Variants in CSMD1 observed in about 807,000 individuals in gnomAD.
CSMD1 encodes CUB and Sushi multiple domains 1.
Under a neutral mutation model 417.5 loss-of-function variants are expected in CSMD1, and 213 were observed. That is an observed-to-expected ratio of 0.51 (90% CI 0.46 to 0.57). The LOEUF is 0.57. Ranked by LOEUF, CSMD1 falls within the 20% of genes least tolerant of loss-of-function variation. The pLI is 0.00. For missense variants in CSMD1, 6,923 were observed against 4,529.7 expected (o/e 1.53, Z -15.17); for synonymous variants, 2,862 against 1,736.8 (o/e 1.65, Z -16.11).
intron 1 of CSMD1, among the ~76,000 whole-genome samples, chr8:4,782,883 A>G (rs1267152509): frequency 6.6e-6 from 1 of 151,954 alleles, no homozygotes; most frequent in Non-Finnish European, 1.5e-5. Context: ...TTTATGATGT[A>G]CATGTTTTTT....
intron 1 of CSMD1, among the ~76,000 whole-genome samples, chr8:4,744,069 T>C (rs1810797431): frequency 6.6e-6 from 1 of 152,194 alleles, no homozygotes. Flanking sequence ...GCTTTGATGA[T>C]GATTCAATTA....
chr8:4,953,751 G>A (rs1240514442), intron 1 of CSMD1, among the ~76,000 whole-genome samples: 1 of 152,152 alleles, frequency 6.6e-6, no homozygotes, highest in Non-Finnish European at 1.5e-5. Flanking sequence ...ATCAATACCT[G>A]TCTTTCTGCA....
intron 1 of CSMD1, among the ~76,000 whole-genome samples, chr8:4,707,291 A>G (rs1164538878): frequency 2.0e-5 from 3 of 152,216 alleles, no homozygotes; most frequent in African/African-American, 7.2e-5. Context: ...AAACATGAGG[A>G]AATTGAAGCT....
At chr8:4,310,057 G>C (rs148597665) in intron 3 of CSMD1, among the ~76,000 whole-genome samples, 5 of 152,166 alleles carry the variant, frequency 3.3e-5, no homozygotes, top group African/African-American at 1.2e-4. Flanking sequence ...ATGGAAAGAT[G>C]AAGTATCAGG....
At chr8:3,739,984 T>C (rs960698274) in intron 6 of CSMD1, among the ~76,000 whole-genome samples, 1 of 152,216 alleles carries the variant, frequency 6.6e-6, no homozygotes, top group Admixed American at 6.5e-5. Context: ...ATCCCTATCA[T>C]TAAAATTGTC....
intron 6 of CSMD1, among the ~76,000 whole-genome samples, chr8:3,751,299 A>AGTGTGTGTGTGTGT (rs67753470): frequency 9.3e-4 from 131 of 140,290 alleles, no homozygotes; most frequent in African/African-American, 1.4e-3. Context: ...ATACAATTGA[A>AGTGTGTGTGTGTGT]GTGTGTGTGT....
At chr8:3,381,564 C>A (rs947575593) in intron 18 of CSMD1, among the ~76,000 whole-genome samples, 5 of 151,716 alleles carry the variant, frequency 3.3e-5, no homozygotes, top group Admixed American at 1.3e-4. Flanking sequence ...AATATAGAAC[C>A]CAAAAATATG....
intron 5 of CSMD1, among the ~76,000 whole-genome samples, chr8:3,780,996 G>C (rs953018964): frequency 2.0e-5 from 3 of 152,162 alleles, no homozygotes; most frequent in Non-Finnish European, 2.9e-5. Context: ...GTGACATTTT[G>C]TGTGACTCCT....
chr8:3,393,847 G>T (rs534251872), intron 17 of CSMD1, among the ~76,000 whole-genome samples: 2 of 151,204 alleles, frequency 1.3e-5, no homozygotes, highest in African/African-American at 2.4e-5. Context: ...TGTGGGGTGT[G>T]GGGAGGGGGC....
At chr8:3,829,309 T>G (rs1802237378) in intron 5 of CSMD1, among the ~76,000 whole-genome samples, 1 of 152,182 alleles carries the variant, frequency 6.6e-6, no homozygotes, top group African/African-American at 2.4e-5. Context: ...CTACTTCACT[T>G]ATTCTACAAT....
intron 2 of CSMD1, among the ~76,000 whole-genome samples, chr8:4,531,685 C>A (rs1261475764): frequency 6.6e-6 from 1 of 152,128 alleles, no homozygotes. Context: ...AGAATCAGCA[C>A]TTCTTTTAAA....
chr8:3,927,231 A>G (rs1408574866), intron 5 of CSMD1, among the ~76,000 whole-genome samples: 1 of 152,052 alleles, frequency 6.6e-6, no homozygotes, highest in Admixed American at 6.6e-5. Context: ...AACCTTCTTT[A>G]TATTATTCCA....
chr8:4,420,049 G>A lies in CSMD1; in HGVS notation c.319C>T (p.Leu107=). 1.3e-6 allele frequency: 2 copies of A among 1,568,580 alleles called. No individual in the cohort carries two copies. Among genetic ancestry groups the A allele is most frequent in the South Asian group, 1.2e-5 (1 of 85,284 alleles). The change falls in exon 3 of 70, where the codon CTG becomes TTG. Residue 107 remains leucine, a synonymous_variant. Coordinates refer to ENST00000635120, the MANE Select transcript of CSMD1 (RefSeq NM_033225.6). ...CCTGTACTCACTATAGAGGAGGGCAGCTGAAATCCCGATAATCTAAATTTA... is the reference window on the plus strand; with the variant it reads ...CCTGTACTCACTATAGAGGAGGGCAACTGAAATCCCGATAATCTAAATTTA... The part of the protein sequence containing the change: ...NLKVRLSGFQ[L]PSSIVSTGSI...
chr8:4,913,823 A>G (rs1406594979), intron 1 of CSMD1, among the ~76,000 whole-genome samples: 1 of 152,230 alleles, frequency 6.6e-6, no homozygotes, highest in African/African-American at 2.4e-5. Flanking sequence ...TTGGGGCTTC[A>G]TAACCAGAAG....
chr8:3,158,672 A>G (rs1427310605), intron 38 of CSMD1, among the ~76,000 whole-genome samples: 3 of 151,992 alleles, frequency 2.0e-5, no homozygotes, highest in African/African-American at 7.2e-5. Context: ...GGTTAAATTC[A>G]AAGATGTTTT....
At chr8:3,231,051 C>T (rs182587737) in intron 26 of CSMD1, among the ~76,000 whole-genome samples, 4 of 152,220 alleles carry the variant, frequency 2.6e-5, no homozygotes. Flanking sequence ...ATCGACTCTG[C>T]CTGCGCCTAA....
At chr8:4,139,588 G>C (rs1803655343) in intron 3 of CSMD1, among the ~76,000 whole-genome samples, 1 of 151,220 alleles carries the variant, frequency 6.6e-6, no homozygotes, top group Admixed American at 6.6e-5. Flanking sequence ...ATGGAACTGA[G>C]TGGGCATCAA....
chr8:3,925,165 C>G (rs1276542874), intron 5 of CSMD1, among the ~76,000 whole-genome samples: 2 of 152,132 alleles, frequency 1.3e-5, no homozygotes, highest in Non-Finnish European at 2.9e-5. Flanking sequence ...AATCCTGACC[C>G]ATAGAAATTA....
At chr8:4,624,958 A>T (rs769089914) in intron 2 of CSMD1, among the ~76,000 whole-genome samples, 7 of 151,978 alleles carry the variant, frequency 4.6e-5, no homozygotes, top group Admixed American at 6.6e-5. Flanking sequence ...TCATAACATA[A>T]CTCTTTGAAT....
Sources: gnomAD v4.1 joint callset for allele counts (sites outside exome capture counted in the v4.1 genomes callset) on GRCh38, gnomAD v4.1.1 for gene constraint, MANE v1.5 for transcripts, NCBI Gene and HGNC (gene_info 2026-07-23, HGNC 2026-07-21) for gene names.